GPHN: variants seen among roughly 807,000 people sequenced by gnomAD.
GPHN encodes gephyrin.
Under a neutral mutation model 95.5 loss-of-function variants are expected in GPHN, and 17 were observed. The ratio of observed to expected loss-of-function variants is 0.18; its 90% CI spans 0.12 to 0.27. GPHN has a LOEUF of 0.27. GPHN is among the 10% of genes least tolerant of loss of function. The pLI, the probability that GPHN is intolerant of heterozygous loss-of-function variation, is 1.00. For missense variants in GPHN, 660 were observed against 978.1 expected, an observed-to-expected ratio of 0.67 and a Z score of 4.34; for synonymous variants, 320 against 322.5, an observed-to-expected ratio of 0.99 and a Z score of 0.08.
the GPHN span, chr14:67,663,059 G>A: frequency 6.8e-7 from 1 of 1,462,172 alleles, no homozygotes; most frequent in Admixed American, 2.7e-5. Flanking sequence ...CTGGTGTGGT[G>A]CTTGTTTTTC....
the GPHN span, among the ~76,000 whole-genome samples, chr14:67,297,696 T>G: frequency 7.4e-6 from 1 of 134,418 alleles, no homozygotes; most frequent in Admixed American, 7.4e-5. Context: ...AGTAGAAAAT[T>G]AATAGGACAT....
At chr14:67,585,553 T>C in the GPHN span, 13 of 1,551,726 alleles carry the variant, frequency 8.4e-6, no homozygotes, top group South Asian at 1.4e-4. Flanking sequence ...TGATGGGTTG[T>C]TTCTGTTTCC....
At chr14:67,166,166 C>T (rs2082265423) in intron 20 of GPHN, among the ~76,000 whole-genome samples, 1 of 152,040 alleles carries the variant, frequency 6.6e-6, no homozygotes, top group African/African-American at 2.4e-5. Context: ...ACATTTTAAG[C>T]CCCTATCTAT....
intron 1 of GPHN, among the ~76,000 whole-genome samples, chr14:66,662,534 C>T (rs184344828): frequency 1.8e-3 from 269 of 152,220 alleles, no homozygotes; most frequent in Non-Finnish European, 2.5e-3. Context: ...AGCACAAGAA[C>T]GCTGAAAACT....
intron 3 of GPHN, among the ~76,000 whole-genome samples, chr14:66,786,434 G>T (rs2059778007): frequency 6.6e-6 from 1 of 151,782 alleles, no homozygotes; most frequent in Non-Finnish European, 1.5e-5. Flanking sequence ...CTTTCTTTTT[G>T]GTTTCACTGG....
intron 1 of GPHN, among the ~76,000 whole-genome samples, chr14:66,605,616 G>GC (rs2076231492): frequency 7.1e-6 from 1 of 139,974 alleles, no homozygotes; most frequent in Admixed American, 7.8e-5. Context: ...TGCAATCTCT[G>GC]CCCCCCAGGT....
At chr14:66,962,356 G>A (rs1236497976) in intron 8 of GPHN, among the ~76,000 whole-genome samples, 2 of 149,392 alleles carry the variant, frequency 1.3e-5, no homozygotes, top group Admixed American at 6.7e-5. Context: ...TTTAAGATTG[G>A]GGCAAAGATT....
At chr14:67,399,459 A>G in the GPHN span, among the ~76,000 whole-genome samples, 2 of 149,088 alleles carry the variant, frequency 1.3e-5, no homozygotes, top group Non-Finnish European at 3.0e-5. Flanking sequence ...GGTGGCAGGA[A>G]TAAAGAGAAG....
intron 1 of GPHN, among the ~76,000 whole-genome samples, chr14:66,553,344 C>T (rs977828090): frequency 6.6e-6 from 1 of 152,036 alleles, no homozygotes; most frequent in Non-Finnish European, 1.5e-5. Context: ...TTTCTAGTCA[C>T]TATTTTTAAA....
At chr14:67,615,764 C>A in the GPHN span, 1 of 512,696 alleles carries the variant, frequency 2.0e-6, no homozygotes, top group Non-Finnish European at 3.7e-6. Flanking sequence ...TCCCAATGCA[C>A]CCCAGAGGTC....
the GPHN span, among the ~76,000 whole-genome samples, chr14:67,612,724 G>C: frequency 6.6e-6 from 1 of 152,114 alleles, no homozygotes; most frequent in Admixed American, 6.5e-5. Context: ...ATAACTGGAG[G>C]CCAGGAGTTC....
At chr14:66,747,764 A>G (rs868159866) in intron 2 of GPHN, among the ~76,000 whole-genome samples, 2 of 152,150 alleles carry the variant, frequency 1.3e-5, no homozygotes, top group Middle Eastern at 3.2e-3. Context: ...TTTTGTTAAA[A>G]TGTGCCTTAA....
chr14:66,734,551 T>C (rs2072085121), intron 2 of GPHN, among the ~76,000 whole-genome samples: 1 of 152,224 alleles, frequency 6.6e-6, no homozygotes, highest in Non-Finnish European at 1.5e-5. Flanking sequence ...ATTTTCTCCC[T>C]CATTTAATTT....
the GPHN span, among the ~76,000 whole-genome samples, chr14:67,663,606 G>A: frequency 2.9e-4 from 44 of 152,216 alleles, no homozygotes; most frequent in Non-Finnish European, 5.9e-5. Context: ...CCCAGGAGGC[G>A]GAGCTTGCAG....
chr14:66,916,879 TTGTC>T (rs1567098320), intron 6 of GPHN, among the ~76,000 whole-genome samples: 1 of 152,216 alleles, frequency 6.6e-6, no homozygotes, highest in Non-Finnish European at 1.5e-5. Flanking sequence ...ACAGTCATGT[TTGTC>T]TGGGCATCTA....
chr14:67,330,625 AT>A, the GPHN span, among the ~76,000 whole-genome samples: 1 of 151,216 alleles, frequency 6.6e-6, no homozygotes, highest in African/African-American at 2.4e-5. Context: ...CGCCCAGCTA[AT>A]TTTGTATTTT....
chr14:67,566,478 C>A, the GPHN span, among the ~76,000 whole-genome samples: 1 of 152,156 alleles, frequency 6.6e-6, no homozygotes, highest in South Asian at 2.1e-4. Context: ...GGTACAGTGG[C>A]TCACACCTGT....
the GPHN span, chr14:67,674,357 G>A: frequency 6.4e-7 from 1 of 1,573,354 alleles, no homozygotes; most frequent in Non-Finnish European, 8.6e-7. Context: ...CCCACGGCGT[G>A]GCCCACCCCC....
the GPHN span, among the ~76,000 whole-genome samples, chr14:67,539,009 C>T: frequency 2.2e-3 from 334 of 152,286 alleles, 1 homozygote; most frequent in African/African-American, 7.8e-3. Context: ...CAATATTAAT[C>T]AAACTCTTTC....
Sources: allele counts gnomAD v4.1 joint callset (sites outside exome capture counted in the v4.1 genomes callset), GRCh38; gene constraint gnomAD v4.1.1; transcripts MANE v1.5; gene names NCBI Gene and HGNC (gene_info 2026-07-23, HGNC 2026-07-21).